CDH13: variants seen among roughly 807,000 people sequenced by gnomAD.
CDH13 encodes cadherin-13.
In CDH13, 24 loss-of-function variants were observed where a neutral mutation model predicts 63.8. That is an observed-to-expected ratio of 0.38 (90% confidence interval 0.27 to 0.53). CDH13 has a LOEUF of 0.53. Ranked by LOEUF, CDH13 falls within the 20% of genes least tolerant of loss-of-function variation. The pLI, the probability that CDH13 is intolerant of heterozygous loss-of-function variation, is 0.85. For synonymous variants in CDH13, 503 were observed against 355.3 expected (o/e 1.42, Z -4.67); for missense variants, 1,049 against 903.1 (o/e 1.16, Z -2.07).
chr16:82,663,265 C>T (rs1316105259), intron 1 of CDH13, among the ~76,000 whole-genome samples: 2 of 152,216 alleles, frequency 1.3e-5, no homozygotes, highest in Non-Finnish European at 1.5e-5. Context: ...CGGCTCACCG[C>T]AACCTCTGCC....
At chr16:82,897,436 C>T (rs187858250) in intron 2 of CDH13, among the ~76,000 whole-genome samples, 3 of 152,312 alleles carry the variant, frequency 2.0e-5, no homozygotes, top group Middle Eastern at 3.4e-3. Flanking sequence ...TTATAACTGG[C>T]TCTTCCTCCA....
intron 6 of CDH13, among the ~76,000 whole-genome samples, chr16:83,447,890 G>A (rs1195241125): frequency 1.3e-5 from 2 of 151,916 alleles, no homozygotes; most frequent in African/African-American, 4.8e-5. Context: ...AGTAGCCCTT[G>A]ATGTGATTCA....
At position 83,214,111 on chromosome 16, in the gene CDH13, G is replaced by A. The variant is rs530265504; in HGVS notation, c.484-3234G>A. 8.6e-5 allele frequency among the ~76,000 whole-genome samples: 13 copies of A among 151,828 alleles called. 1 individual carries two copies. The highest frequency in any genetic ancestry group is 4.2e-4 in the South Asian group (2 of 4,812). On this transcript the variant is annotated intron_variant, in intron 4 of 13. Coordinates refer to ENST00000567109, the MANE Select transcript of CDH13 (RefSeq NM_001257.5). ...ACCTGCTCGGATCCCCTTCCACACC[G>A]TGGAAGCTTTGTTCTTTCGCTCTTC...
intron 2 of CDH13, among the ~76,000 whole-genome samples, chr16:82,970,320 G>T (rs1908525980): frequency 6.7e-6 from 1 of 148,658 alleles, no homozygotes; most frequent in Non-Finnish European, 1.5e-5. Context: ...TCTTTATCCA[G>T]TCTATCATTG....
chr16:82,882,686 C>T (rs1057255151), intron 2 of CDH13, among the ~76,000 whole-genome samples: 1 of 151,910 alleles, frequency 6.6e-6, no homozygotes, highest in Non-Finnish European at 1.5e-5. Flanking sequence ...CTCTCCCTTT[C>T]TTCCTTCCTT....
At chr16:83,347,508 A>G (rs1318606215) in intron 6 of CDH13, among the ~76,000 whole-genome samples, 1 of 152,144 alleles carries the variant, frequency 6.6e-6, no homozygotes, top group African/African-American at 2.4e-5. Context: ...TTCATGGTGA[A>G]CACAGCCATC....
chr16:83,726,241 C>A (rs1052915398), intron 10 of CDH13: 3 of 152,112 alleles, frequency 2.0e-5, no homozygotes, highest in African/African-American at 7.2e-5. Context: ...TTCACATGAC[C>A]TCTGTTTTTT....
chr16:82,727,363 C>A (rs890792468), intron 1 of CDH13: 1 of 152,094 alleles, frequency 6.6e-6, no homozygotes, highest in Non-Finnish European at 1.5e-5. Flanking sequence ...GACTGATTTT[C>A]GTTTTCCCTG....
intron 1 of CDH13, among the ~76,000 whole-genome samples, chr16:82,741,229 C>A (rs1019315589): frequency 3.9e-5 from 6 of 152,206 alleles, no homozygotes; most frequent in African/African-American, 1.4e-4. Context: ...CAATAACCTT[C>A]ACAGTGTGTG....
chr16:83,415,020 C>T (rs966905983), intron 6 of CDH13, among the ~76,000 whole-genome samples: 3 of 151,326 alleles, frequency 2.0e-5, no homozygotes, highest in African/African-American at 7.3e-5. Flanking sequence ...AAACCCTTAG[C>T]TAGACTAAGG....
At chr16:82,681,793 C>T (rs1179093231) in intron 1 of CDH13, among the ~76,000 whole-genome samples, 1 of 152,240 alleles carries the variant, frequency 6.6e-6, no homozygotes, top group South Asian at 2.1e-4. Context: ...CCAGGAGCAG[C>T]ACTCGGGTGA....
intron 5 of CDH13, among the ~76,000 whole-genome samples, chr16:83,251,905 C>G (rs1258063476): frequency 1.3e-5 from 2 of 151,868 alleles, no homozygotes; most frequent in African/African-American, 2.4e-5. Context: ...CCAAGCTGAG[C>G]TTTTTAAAAG....
At chr16:82,725,154 A>T (rs1351904756) in intron 1 of CDH13, among the ~76,000 whole-genome samples, 2 of 152,070 alleles carry the variant, frequency 1.3e-5, no homozygotes, top group Non-Finnish European at 2.9e-5. Flanking sequence ...TGATGATGAC[A>T]GTTGTGCTAA....
intron 5 of CDH13, among the ~76,000 whole-genome samples, chr16:83,299,993 A>G (rs1363794294): frequency 6.6e-6 from 1 of 152,050 alleles, no homozygotes; most frequent in African/African-American, 2.4e-5. Context: ...TGAGTTCCTC[A>G]TAAGTTGTCA....
At chr16:83,736,812 G>A (rs1911581364) in intron 10 of CDH13, among the ~76,000 whole-genome samples, 1 of 152,154 alleles carries the variant, frequency 6.6e-6, no homozygotes, top group South Asian at 2.1e-4. Context: ...GGAGACCTTT[G>A]GTAAATTCTA....
At chr16:83,252,480 C>A (rs762461786) in intron 5 of CDH13, among the ~76,000 whole-genome samples, 2 of 151,938 alleles carry the variant, frequency 1.3e-5, no homozygotes, top group Non-Finnish European at 2.9e-5. Flanking sequence ...TTATGGAGAA[C>A]ATTTTAGGAG....
rs1275271790 is a variant in CDH13 at position 83,048,000 on chromosome 16, A to G, written c.366+15782A>G. The stretch of plus-strand genomic sequence containing the variant: ...AAAAAAACATTTAACAAAATATGTT[A>G]TCTTTTTTGTCACAATAGAAAAATA... On this transcript the variant is annotated intron_variant, in intron 3 of 13. Coordinates refer to ENST00000567109, the MANE Select transcript of CDH13 (RefSeq NM_001257.5). The surrounding 1 kb of genome is among the most constrained non-coding windows in gnomAD (Gnocchi z 4.9). Among the ~76,000 whole-genome samples, 3 of 152,206 alleles carry G rather than the reference A, an allele frequency of 2.0e-5. No individual in the cohort carries two copies. The highest frequency in any genetic ancestry group is 4.8e-5 in the African/African-American group (2 of 41,464).
chr16:82,660,430 G>C (rs952473189), intron 1 of CDH13, among the ~76,000 whole-genome samples: 2 of 142,862 alleles, frequency 1.4e-5, no homozygotes, highest in African/African-American at 5.9e-5. Context: ...GCGTTCCTGT[G>C]CCTGCCGGGG....
intron 7 of CDH13, among the ~76,000 whole-genome samples, chr16:83,568,339 A>C (rs1904306824): frequency 6.6e-6 from 1 of 152,208 alleles, no homozygotes; most frequent in Admixed American, 6.5e-5. Flanking sequence ...CTTATCTCCT[A>C]GGAAGAAAAC....
Sources: allele counts gnomAD v4.1 joint callset (sites outside exome capture counted in the v4.1 genomes callset), GRCh38; gene constraint gnomAD v4.1.1; non-coding constraint Gnocchi (gnomAD v3.1); transcripts MANE v1.5; gene names NCBI Gene and HGNC (gene_info 2026-07-23, HGNC 2026-07-21).